The following BLTP3B variants were observed in gnomAD, a reference collection of about 807,000 sequenced individuals.
The protein encoded by BLTP3B is UHRF1 (ICBP90) binding protein 1-like.
chr12:100,088,991 A>C, the BLTP3B span: 7 of 1,611,886 alleles, frequency 4.3e-6, no homozygotes, highest in African/African-American at 1.3e-5. Context: ...AGGTTTCCTT[A>C]ACATCAAAAT....
chr12:100,114,012 A>G, the BLTP3B span, among the ~76,000 whole-genome samples: 30 of 152,334 alleles, frequency 2.0e-4, no homozygotes, highest in East Asian at 5.6e-3. Context: ...GAATATGCTA[A>G]GAACCACTGC....
chr12:100,128,039 C>A, the BLTP3B span, among the ~76,000 whole-genome samples: 10 of 151,868 alleles, frequency 6.6e-5, no homozygotes, highest in African/African-American at 1.9e-4. Flanking sequence ...CTTCAAAAAA[C>A]AAAAAAAGAA....
At chr12:100,104,230 A>G in the BLTP3B span, among the ~76,000 whole-genome samples, 1 of 124,654 alleles carries the variant, frequency 8.0e-6, no homozygotes, top group South Asian at 2.6e-4. Flanking sequence ...TTTGAGACAG[A>G]GTCTCTTTCT....
chr12:100,106,977 T>C, the BLTP3B span, among the ~76,000 whole-genome samples: 1 of 151,968 alleles, frequency 6.6e-6, no homozygotes, highest in African/African-American at 2.4e-5. Flanking sequence ...GTGACACAAA[T>C]TGACATATGA....
chr12:100,130,677 AG>A, the BLTP3B span, among the ~76,000 whole-genome samples: 1 of 152,152 alleles, frequency 6.6e-6, no homozygotes, highest in African/African-American at 2.4e-5. Context: ...GCACTTTGGG[AG>A]GCCAAGGCAG....
the BLTP3B span, chr12:100,142,749 C>A: frequency 1.4e-6 from 2 of 1,479,860 alleles, no homozygotes; most frequent in Non-Finnish European, 1.8e-6. Flanking sequence ...GCTGATCGCT[C>A]ACGACCGGGA....
At chr12:100,095,511 C>CTTATATAAAA in the BLTP3B span, among the ~76,000 whole-genome samples, 2 of 152,180 alleles carry the variant, frequency 1.3e-5, no homozygotes, top group African/African-American at 4.8e-5. Flanking sequence ...ATAGCTACTA[C>CTTATATAAAA]TTATATAAAA....
chr12:100,140,729 A>AAAAAAATATATAT, the BLTP3B span, among the ~76,000 whole-genome samples: 78 of 61,448 alleles, frequency 1.3e-3, no homozygotes, highest in Non-Finnish European at 1.6e-3. Flanking sequence ...AAAAAAAAAA[A>AAAAAAATATATAT]ATATATATAT....
At chr12:100,112,281 C>A in the BLTP3B span, among the ~76,000 whole-genome samples, 2 of 152,102 alleles carry the variant, frequency 1.3e-5, no homozygotes, top group African/African-American at 4.8e-5. Flanking sequence ...GAGTTTGAGA[C>A]CAGCCTGGGC....
At chr12:100,069,484 ATG>A in the BLTP3B span, among the ~76,000 whole-genome samples, 613 of 152,202 alleles carry the variant, frequency 4.0e-3, 4 homozygotes, top group African/African-American at 0.014. Flanking sequence ...ATATACATAC[ATG>A]TGTGTATGTG....
At chr12:100,078,305 C>T in the BLTP3B span, among the ~76,000 whole-genome samples, 8 of 152,192 alleles carry the variant, frequency 5.3e-5, no homozygotes, top group Non-Finnish European at 7.3e-5. Flanking sequence ...CCTTCCACCA[C>T]GTGTAAAAGT....
the BLTP3B span, chr12:100,104,022 GGT>G: frequency 1.7e-6 from 2 of 1,160,406 alleles, no homozygotes; most frequent in Non-Finnish European, 2.5e-6. Context: ...AATCAATACA[GGT>G]GTTATATTAA....
the BLTP3B span, among the ~76,000 whole-genome samples, chr12:100,053,718 T>C: frequency 1.3e-5 from 2 of 152,142 alleles, no homozygotes; most frequent in African/African-American, 4.8e-5. Flanking sequence ...GGGAATGATA[T>C]CAAGGAGACA....
chr12:100,039,464 C>T, the BLTP3B span: 1 of 952,714 alleles, frequency 1.0e-6, no homozygotes. Flanking sequence ...TAGCACCTAG[C>T]AAAGCACCTG....
chr12:100,138,469 A>T, the BLTP3B span, among the ~76,000 whole-genome samples: 1 of 152,222 alleles, frequency 6.6e-6, no homozygotes, highest in Non-Finnish European at 1.5e-5. Flanking sequence ...GTGAGGGAAT[A>T]TGCTGTGCAA....
At chr12:100,112,183 A>C in the BLTP3B span, among the ~76,000 whole-genome samples, 1 of 152,224 alleles carries the variant, frequency 6.6e-6, no homozygotes, top group African/African-American at 2.4e-5. Context: ...GGAGGATTAA[A>C]ATATATGTAA....
At chr12:100,117,565 TGATCCTCCCCTGCCTCGACCTCCTAA>T in the BLTP3B span, among the ~76,000 whole-genome samples, 9 of 151,764 alleles carry the variant, frequency 5.9e-5, no homozygotes, top group East Asian at 9.6e-4. Context: ...TGGGCTCAAG[TGATCCTCCCCTGCCTCGACCTCCTAA>T]GATCCTCCCC....
At chr12:100,059,813 A>T in the BLTP3B span, 84 of 1,564,740 alleles carry the variant, frequency 5.4e-5, no homozygotes, top group Non-Finnish European at 7.0e-5. Context: ...TAAAAAGAAC[A>T]AAATTAAATC....
the BLTP3B span, chr12:100,097,446 T>C: frequency 1.2e-6 from 2 of 1,613,436 alleles, no homozygotes; most frequent in African/African-American, 2.7e-5. Flanking sequence ...GATGTGAACT[T>C]TGGGTGGCAT....
Sources: gnomAD v4.1 joint callset for allele counts (sites outside exome capture counted in the v4.1 genomes callset) on GRCh38, gnomAD v4.1.1 for gene constraint, MANE v1.5 for transcripts, NCBI Gene and HGNC (gene_info 2026-07-23, HGNC 2026-07-21) for gene names.